CDH13: variants seen among roughly 807,000 people sequenced by gnomAD.
CDH13 encodes the protein cadherin-13.
In CDH13, 24 loss-of-function variants were observed where a neutral mutation model predicts 63.8. The ratio of observed to expected loss-of-function variants is 0.38; its 90% CI spans 0.27 to 0.53. The LOEUF is 0.53. Ranked by LOEUF, CDH13 falls within the 20% of genes least tolerant of loss-of-function variation. The probability of loss-of-function intolerance (pLI) is 0.85; values close to 1 mark genes in which losing one functional copy is unlikely to be tolerated. For synonymous variants in CDH13, 503 were observed against 355.3 expected (o/e 1.42, Z -4.67); for missense variants, 1,049 against 903.1 (o/e 1.16, Z -2.07).
intron 6 of CDH13, among the ~76,000 whole-genome samples, chr16:83,405,206 C>T (rs577731679): frequency 1.3e-5 from 2 of 152,022 alleles, no homozygotes; most frequent in African/African-American, 4.8e-5. Flanking sequence ...TATGGATATA[C>T]TAGCTGTGTA....
At chr16:82,629,307 G>A (rs1907726160) in intron 1 of CDH13, among the ~76,000 whole-genome samples, 1 of 152,224 alleles carries the variant, frequency 6.6e-6, no homozygotes, top group African/African-American at 2.4e-5. Flanking sequence ...TGATTGCCCT[G>A]AGAGGCTTAT....
At chr16:82,945,938 G>A (rs1443818142) in intron 2 of CDH13, among the ~76,000 whole-genome samples, 1 of 152,098 alleles carries the variant, frequency 6.6e-6, no homozygotes, top group African/African-American at 2.4e-5. Context: ...TTTCCTCTGT[G>A]AATTCTTCTA....
At chr16:83,387,420 G>A (rs536637032) in intron 6 of CDH13, among the ~76,000 whole-genome samples, 97 of 152,142 alleles carry the variant, frequency 6.4e-4, no homozygotes, top group Non-Finnish European at 1.1e-3. Context: ...GGGCCTCAGT[G>A]GAGCTCAAAA....
chr16:83,734,791 G>A (rs1185969560), intron 10 of CDH13, among the ~76,000 whole-genome samples: 2 of 151,122 alleles, frequency 1.3e-5, no homozygotes, highest in Non-Finnish European at 3.0e-5. Context: ...AAGAGAAGTT[G>A]GTCAGTAGGA....
chr16:83,408,049 C>A (rs950154242), intron 6 of CDH13, among the ~76,000 whole-genome samples: 1 of 152,170 alleles, frequency 6.6e-6, no homozygotes, highest in Non-Finnish European at 1.5e-5. Context: ...CTCCTCCCAG[C>A]AGCAGTGGCA....
chr16:83,354,409 T>A (rs572959658), intron 6 of CDH13, among the ~76,000 whole-genome samples: 44 of 152,332 alleles, frequency 2.9e-4, no homozygotes, highest in African/African-American at 1.0e-3. Flanking sequence ...TCGGGCAGTT[T>A]CTATGAGTCA....
chr16:83,074,223 T>G (rs1345933367), intron 3 of CDH13, among the ~76,000 whole-genome samples: 1 of 152,202 alleles, frequency 6.6e-6, no homozygotes, highest in Non-Finnish European at 1.5e-5. Context: ...GTCCCATCTG[T>G]GAGTGAGCAT....
intron 5 of CDH13, among the ~76,000 whole-genome samples, chr16:83,232,549 C>CAACAAAAAAA (rs2040032196): frequency 9.6e-6 from 1 of 104,472 alleles, no homozygotes; most frequent in African/African-American, 3.2e-5. Context: ...CAACAACAAA[C>CAACAAAAAAA]AAACAAAAAA....
intron 3 of CDH13, among the ~76,000 whole-genome samples, chr16:83,116,189 C>A (rs77956595): frequency 0.033 from 5,057 of 152,300 alleles, 91 homozygotes; most frequent in South Asian, 0.041. Flanking sequence ...TTTGGGACAC[C>A]TTCCCCATTT....
At chr16:83,631,458 C>T (rs1338147367) in intron 8 of CDH13, among the ~76,000 whole-genome samples, 1 of 152,118 alleles carries the variant, frequency 6.6e-6, no homozygotes, top group Non-Finnish European at 1.5e-5. Flanking sequence ...TCAAACACAG[C>T]TTGTCTTTTT....
intron 10 of CDH13, among the ~76,000 whole-genome samples, chr16:83,690,416 C>CTCCA (rs1182601467): frequency 2.0e-5 from 3 of 152,046 alleles, no homozygotes; most frequent in Non-Finnish European, 4.4e-5. Context: ...ACAGCTATCC[C>CTCCA]GGGTGGAGAG....
At chr16:83,154,042 T>A (rs74031403) in intron 4 of CDH13, among the ~76,000 whole-genome samples, 2,284 of 152,270 alleles carry the variant, frequency 0.015, 65 homozygotes, top group African/African-American at 0.052. Context: ...TAGAGAGCCA[T>A]GTCCTGTTGA....
chr16:83,213,510 G>T (rs1159054447), intron 4 of CDH13, among the ~76,000 whole-genome samples: 1 of 152,144 alleles, frequency 6.6e-6, no homozygotes. Context: ...AGCCCGGAAG[G>T]CTTTTCCTGG....
intron 5 of CDH13, among the ~76,000 whole-genome samples, chr16:83,283,011 T>C (rs1567562446): frequency 6.6e-6 from 1 of 152,212 alleles, no homozygotes; most frequent in Non-Finnish European, 1.5e-5. Context: ...TCCTTATTTA[T>C]AGCATTGCTG....
chr16:83,779,198 A>G (rs1915331436), intron 11 of CDH13, among the ~76,000 whole-genome samples: 1 of 151,936 alleles, frequency 6.6e-6, no homozygotes, highest in Non-Finnish European at 1.5e-5. Flanking sequence ...CGAGGTCAGG[A>G]GTTTGAGACC....
At chr16:83,553,328 C>T (rs933192759) in intron 7 of CDH13, among the ~76,000 whole-genome samples, 1 of 152,114 alleles carries the variant, frequency 6.6e-6, no homozygotes, top group Non-Finnish European at 1.5e-5. Flanking sequence ...TCATTGTAGG[C>T]AACACAGGAA....
At chr16:82,994,433 C>G (rs963524082) in intron 2 of CDH13, among the ~76,000 whole-genome samples, 1 of 152,174 alleles carries the variant, frequency 6.6e-6, no homozygotes, top group Non-Finnish European at 1.5e-5. Flanking sequence ...TTTCCCTGCT[C>G]TGCTCTTGGC....
chr16:83,565,697 C>T (rs1904275625), intron 7 of CDH13, among the ~76,000 whole-genome samples: 1 of 152,056 alleles, frequency 6.6e-6, no homozygotes, highest in Non-Finnish European at 1.5e-5. Flanking sequence ...TTGCTTTTAA[C>T]TGATTTATTC....
chr16:83,672,836 C>A (rs1246859044), intron 9 of CDH13, among the ~76,000 whole-genome samples: 1 of 152,178 alleles, frequency 6.6e-6, no homozygotes, highest in African/African-American at 2.4e-5. Flanking sequence ...GTTTTATCTT[C>A]CAAACTTCAG....
Sources: gnomAD v4.1 joint callset for allele counts (sites outside exome capture counted in the v4.1 genomes callset) on GRCh38, gnomAD v4.1.1 for gene constraint, MANE v1.5 for transcripts, NCBI Gene and HGNC (gene_info 2026-07-23, HGNC 2026-07-21) for gene names.